The following RCC2 variants were observed in gnomAD, a reference collection of about 807,000 sequenced individuals.
RCC2 encodes protein RCC2.
Under a neutral mutation model 64.1 loss-of-function variants are expected in RCC2, and 19 were observed. The ratio of observed to expected loss-of-function variants is 0.30; its 90% CI spans 0.21 to 0.44. The LOEUF (loss-of-function observed/expected upper bound fraction) is 0.44, where lower values mean the gene tolerates loss of function less well. RCC2 is among the 20% of genes least tolerant of loss of function. RCC2 has a pLI of 1.00. For missense variants in RCC2, 508 were observed against 710.4 expected, an observed-to-expected ratio of 0.72 and a Z score of 3.24; for synonymous variants, 325 against 279.6, an observed-to-expected ratio of 1.16 and a Z score of -1.62.
At chr1:17,411,800 T>A (rs995879124) in intron 11 of RCC2, among the ~76,000 whole-genome samples, 1 of 152,124 alleles carries the variant, frequency 6.6e-6, no homozygotes, top group Non-Finnish European at 1.5e-5. Context: ...GACTTAGGCC[T>A]CCAGGGGAGA....
chr1:17,416,452 T>A (rs199673232), intron 8 of RCC2, 28 bp downstream of exon 8: 34 of 1,593,018 alleles, frequency 2.1e-5, no homozygotes, highest in Non-Finnish European at 8.6e-7. Flanking sequence ...GGTGCGACTC[T>A]CAGGAAGTGA....
intron 3 of RCC2, among the ~76,000 whole-genome samples, chr1:17,428,705 G>A (rs1004472400): frequency 3.3e-5 from 5 of 152,320 alleles, no homozygotes; most frequent in South Asian, 4.1e-4. Context: ...GCAAAGAAAC[G>A]TGGACTCTTC....
At chr1:17,427,448 C>T (rs2075628866) in intron 3 of RCC2, among the ~76,000 whole-genome samples, 1 of 152,128 alleles carries the variant, frequency 6.6e-6, no homozygotes. Context: ...AAAATAAAAG[C>T]CTCATGGTCT....
At chr1:17,433,785 G>A (rs1048987140) in intron 2 of RCC2, among the ~76,000 whole-genome samples, 1 of 152,150 alleles carries the variant, frequency 6.6e-6, no homozygotes, top group Admixed American at 6.5e-5. Context: ...CGTTTACGGG[G>A]CCCAGAGTCA....
chr1:17,409,029 A>G lies in RCC2; in HGVS notation c.*61T>C. 1.7e-6 allele frequency: 2 copies of G among 1,196,196 alleles called. No homozygotes were observed. Among genetic ancestry groups the G allele is most frequent in the South Asian group, 2.4e-5 (2 of 82,620 alleles). 74.1% of individuals were successfully genotyped at this position (1,196,196 alleles called of 1,614,324 possible). ...AATTCCTCGTTTGACTTCCCGTCCC[A>G]GTGCACATGGAAATGACAGCTGCCG... is the stretch of plus-strand genomic sequence containing the variant. On this transcript the variant is annotated 3_prime_UTR_variant, in exon 13 of 13. Coordinates refer to ENST00000375436, the MANE Select transcript of RCC2 (RefSeq NM_018715.4).
chr1:17,435,393 AC>A (rs1160277204), intron 2 of RCC2, among the ~76,000 whole-genome samples: 1 of 152,184 alleles, frequency 6.6e-6, no homozygotes, highest in African/African-American at 2.4e-5. Flanking sequence ...CCTCCTAGCA[AC>A]CCTGAGCGGG....
chr1:17,425,639 T>C lies in RCC2; in HGVS notation c.425A>G (p.Tyr142Cys). 1 of 1,613,954 alleles carries C rather than the reference T, an allele frequency of 6.2e-7. No individual in the cohort carries two copies. Among genetic ancestry groups the C allele is most frequent in the Non-Finnish European group, 8.5e-7 (1 of 1,179,878 alleles). The change falls in exon 4 of 13, where the codon TAT becomes TGT. Residue 142 changes from tyrosine (Y) to cysteine (C), a missense_variant. Around this residue, in one of 4 missense-constraint regions of RCC2, gnomAD observed 132 missense variants for 207.3 expected, o/e 0.64. Coordinates refer to ENST00000375436, the MANE Select transcript of RCC2 (RefSeq NM_018715.4). ...LGQNLWGPHR[Y>C]GCLAGVRVRT... ...CACCCGGACCCCCGCCAGGCACCCA[T>C]ATCTGTGGGGCCCCCACAAATTCTG...
At chr1:17,437,388 A>G (rs1055742050) in intron 2 of RCC2, among the ~76,000 whole-genome samples, 2 of 151,460 alleles carry the variant, frequency 1.3e-5, no homozygotes, top group Non-Finnish European at 3.0e-5. Context: ...CACCAAACTT[A>G]AAGAAAGTTC....
intron 2 of RCC2, among the ~76,000 whole-genome samples, chr1:17,431,384 G>A (rs1283596415): frequency 1.2e-5 from 1 of 82,442 alleles, no homozygotes; most frequent in South Asian, 3.8e-4. Flanking sequence ...ATATATATGT[G>A]GGCTGGGTGT....
At chr1:17,411,881 G>GAA (rs1403309145) in intron 11 of RCC2, among the ~76,000 whole-genome samples, 1 of 152,186 alleles carries the variant, frequency 6.6e-6, no homozygotes, top group Non-Finnish European at 1.5e-5. Flanking sequence ...AACCGGATCT[G>GAA]AAAAGTCCCA....
At chr1:17,422,873 G>C (rs1334641137) in intron 4 of RCC2, 37 bp from the exon 5 acceptor site, 2 of 1,612,624 alleles carry the variant, frequency 1.2e-6, no homozygotes, top group South Asian at 2.2e-5. Context: ...AAAGAGAGAG[G>C]GTGGTCCAGG....
At chr1:17,431,359 A>AAAAAT (rs1553158471) in intron 2 of RCC2, among the ~76,000 whole-genome samples, 2 of 44,934 alleles carry the variant, frequency 4.5e-5, no homozygotes, top group East Asian at 6.1e-4. Context: ...AAAAAAAAAA[A>AAAAAT]ATATATATAT....
intron 2 of RCC2, among the ~76,000 whole-genome samples, chr1:17,433,790 G>T (rs2075708263): frequency 6.6e-6 from 1 of 152,154 alleles, no homozygotes; most frequent in Non-Finnish European, 1.5e-5. Flanking sequence ...ACGGGGCCCA[G>T]AGTCAACCTT....
chr1:17,426,503 C>T (rs929744067), intron 3 of RCC2, among the ~76,000 whole-genome samples: 1 of 152,174 alleles, frequency 6.6e-6, no homozygotes, highest in Non-Finnish European at 1.5e-5. Context: ...TGAGAAATCT[C>T]CTTCCCCCAG....
chr1:17,429,473 TA>T (rs547412716), intron 2 of RCC2, among the ~76,000 whole-genome samples: 58 of 147,182 alleles, frequency 3.9e-4, no homozygotes, highest in Non-Finnish European at 7.1e-4. Context: ...TGCAAAACAC[TA>T]AAAAAAAAAC....
chr1:17,424,113 T>G (rs936077508), intron 4 of RCC2, among the ~76,000 whole-genome samples: 1 of 152,002 alleles, frequency 6.6e-6, no homozygotes, highest in African/African-American at 2.4e-5. Context: ...CAGGACAGGG[T>G]GAGCGGGCCA....
intron 2 of RCC2, among the ~76,000 whole-genome samples, chr1:17,432,855 G>A (rs566941458): frequency 6.6e-6 from 1 of 152,224 alleles, no homozygotes; most frequent in African/African-American, 2.4e-5. Flanking sequence ...CTACTCGGGA[G>A]GCTGAGACAG....
Position 17,414,033 on chromosome 1 carries a change from G to A in RCC2, c.1027-316C>T, listed in dbSNP as rs552890148. ...TCCTCTACCTCCCGCCTCCAGCAGT[G>A]GGGGAGGAGGCAACAGGAGCAAGTG... is the stretch of plus-strand genomic sequence containing the variant. On this transcript the variant is annotated intron_variant, in intron 8 of 12. Transcript: ENST00000375436. 1.3e-4 allele frequency among the ~76,000 whole-genome samples: 20 copies of A among 152,292 alleles called. No homozygotes were observed. In the South Asian group the frequency reaches 3.3e-3, roughly 25 times the overall value.
Position 17,425,652 on chromosome 1 carries a change from C to T in RCC2, c.412G>A (p.Gly138Arg). Residue 138 changes from glycine to arginine, a missense_variant, in exon 4 of 13, where the codon GGG (glycine) becomes AGG (arginine). Coordinates refer to ENST00000375436, the MANE Select transcript of RCC2 (RefSeq NM_018715.4). Reference protein sequence around the residue: ...AYRNLGQNLWGPHRYGCLAGV... With the variant: ...AYRNLGQNLWRPHRYGCLAGV... ...GCCAGGCACCCATATCTGTGGGGCC[C>T]CCACAAATTCTGACCGAGATTGCGG... The T allele has an allele frequency of 6.2e-7, 1 of 1,613,278 alleles. No homozygotes were observed. Among genetic ancestry groups the T allele is most frequent in the South Asian group, 1.1e-5 (1 of 91,036 alleles).
Sources: allele counts gnomAD v4.1 joint callset (sites outside exome capture counted in the v4.1 genomes callset), GRCh38; gene constraint gnomAD v4.1.1; regional missense constraint gnomAD v4.1.1; transcripts MANE v1.5; gene names NCBI Gene and HGNC (gene_info 2026-07-23, HGNC 2026-07-21).